AGAP1: variants seen among roughly 807,000 people sequenced by gnomAD.
AGAP1 encodes the protein arf-GAP with GTPase, ANK repeat and PH domain-containing protein 1.
Under a neutral mutation model 105.3 loss-of-function variants are expected in AGAP1, and 29 were observed. The ratio of observed to expected loss-of-function variants is 0.28; its 90% CI spans 0.21 to 0.38. The LOEUF (loss-of-function observed/expected upper bound fraction) is 0.38, where lower values mean the gene tolerates loss of function less well. AGAP1 is among the 10% of genes least tolerant of loss of function. The pLI, the probability that AGAP1 is intolerant of heterozygous loss-of-function variation, is 1.00. For missense variants in AGAP1, 998 were observed against 1,165.1 expected (o/e 0.86, Z 2.09); for synonymous variants, 509 against 485.9 (o/e 1.05, Z -0.63).
intron 1 of AGAP1, among the ~76,000 whole-genome samples, chr2:235,534,324 A>G (rs1194902999): frequency 1.3e-5 from 2 of 152,144 alleles, no homozygotes; most frequent in Admixed American, 6.5e-5. Context: ...TCCATGTTTA[A>G]TAAGAGGTCG....
rs1029918388 is a variant in AGAP1, at chr2:235,750,262, T to A, written c.539-92T>A. ...ATAAACTAATTACATTTCTGCTGAG[T>A]AAGGTACTGGTTTTCCGTGTTGTGG... On this transcript the variant is annotated intron_variant, in intron 5 of 17. Coordinates refer to ENST00000304032, the MANE Select transcript of AGAP1 (RefSeq NM_001037131.3). This position sits in a 1 kb window ranked among gnomAD's most constrained non-coding sequence, Gnocchi z 5.3. 19 of 1,546,660 alleles carry A rather than the reference T, an allele frequency of 1.2e-5. No homozygotes were observed. Among genetic ancestry groups the A allele is most frequent in the Non-Finnish European group, 1.5e-5 (17 of 1,125,732 alleles).
chr2:235,980,604 G>A (rs7570697), intron 13 of AGAP1, among the ~76,000 whole-genome samples: 72 of 152,306 alleles, frequency 4.7e-4, no homozygotes, highest in African/African-American at 1.6e-3. Context: ...GGATTGATCC[G>A]GGGGAGGCTC....
intron 1 of AGAP1, among the ~76,000 whole-genome samples, chr2:235,677,384 G>A (rs926054159): frequency 3.9e-5 from 6 of 152,072 alleles, no homozygotes; most frequent in African/African-American, 9.7e-5. Context: ...GGATTGTTTC[G>A]GCGACTCCTT....
At chr2:235,650,024 T>C (rs1947527888) in intron 1 of AGAP1, among the ~76,000 whole-genome samples, 1 of 152,184 alleles carries the variant, frequency 6.6e-6, no homozygotes, top group Admixed American at 6.5e-5. Flanking sequence ...AAAATATCTT[T>C]ATGATTAGAT....
At position 235,961,074 on chromosome 2, in the gene AGAP1, G is replaced by T. The variant is rs970862449; in HGVS notation, c.1484-7388G>T. ...CTCATCCTGAATCTGTTTCAGGAAG[G>T]ATGTGTGCTGGTGAAGAGGATGAGC... On this transcript the variant is annotated intron_variant, in intron 12 of 17. Transcript: ENST00000304032. This position sits in a 1 kb window ranked among gnomAD's most constrained non-coding sequence, Gnocchi z 5.9. Among the ~76,000 whole-genome samples the T allele has an allele frequency of 6.6e-6, 1 of 152,096 alleles. No individual in the cohort carries two copies. Among genetic ancestry groups the T allele is most frequent in the African/African-American group, 2.4e-5 (1 of 41,418 alleles).
rs897648304 is a variant in AGAP1, at chr2:235,514,463, C to A, written c.163+19614C>A. ...CCTGCTCTCCAGCCTGGTCTCACCC[C>A]ACCTGTGGCACCTTCGCTGTGGAGG... On this transcript the variant is annotated intron_variant, in intron 1 of 17. Transcript: ENST00000304032. Among the ~76,000 whole-genome samples the A allele has an allele frequency of 3.9e-5, 6 of 152,392 alleles. No homozygotes were observed. In the East Asian group the frequency reaches 5.8e-4, roughly 15 times the overall value.
chr2:235,966,993 C>T (rs1003729874), intron 12 of AGAP1, among the ~76,000 whole-genome samples: 1 of 152,118 alleles, frequency 6.6e-6, no homozygotes, highest in African/African-American at 2.4e-5. Flanking sequence ...TTTTGATTTC[C>T]ATTATCTTTG....
chr2:235,535,699 T>C lies in AGAP1; in HGVS notation c.163+40850T>C, dbSNP rs1943191743. Among the ~76,000 whole-genome samples, 1 of 152,066 alleles carries C rather than the reference T, an allele frequency of 6.6e-6. No individual in the cohort carries two copies. The highest frequency in any genetic ancestry group is 2.1e-4 in the South Asian group (1 of 4,812). On this transcript the variant is annotated intron_variant, in intron 1 of 17. Coordinates refer to ENST00000304032, the MANE Select transcript of AGAP1 (RefSeq NM_001037131.3). This position sits in a 1 kb window ranked among gnomAD's most constrained non-coding sequence, Gnocchi z 5.1. ...TGCCATTCAAGCCACTCACTTTCAT[T>C]TTCTATAGAAAAGCCTTTCTGCCGC...
In AGAP1 at chr2:236,005,902, T is replaced by C. The variant is rs149312245; in HGVS notation, c.1646-30659T>C. On this transcript the variant is annotated intron_variant, in intron 13 of 17. Transcript: ENST00000304032. The surrounding 1 kb of genome is among the most constrained non-coding windows in gnomAD (Gnocchi z 4.1). Reference sequence around the variant, plus strand: ...TAGTGTCTGTCAAGTTATTCTGCTGTAAAGTCATTGTGCCCCTCCACAGCC... The same window carrying C: ...TAGTGTCTGTCAAGTTATTCTGCTGCAAAGTCATTGTGCCCCTCCACAGCC... Among the ~76,000 whole-genome samples the C allele has an allele frequency of 7.9e-5, 12 of 152,346 alleles. No homozygotes were observed. The East Asian group carries it at 2.3e-3, about 29-fold the overall frequency.
intron 1 of AGAP1, among the ~76,000 whole-genome samples, chr2:235,607,543 T>C (rs1409180835): frequency 6.6e-6 from 1 of 152,220 alleles, no homozygotes; most frequent in Admixed American, 6.5e-5. Flanking sequence ...GGGTGTCCAC[T>C]GTCAGAGGAT....
At chr2:235,932,490 G>A (rs1372454918) in intron 12 of AGAP1, among the ~76,000 whole-genome samples, 1 of 152,158 alleles carries the variant, frequency 6.6e-6, no homozygotes, top group Non-Finnish European at 1.5e-5. Flanking sequence ...TTCTGTGGCC[G>A]CCATCTCGTG....
At chr2:235,667,647 G>A (rs553098245) in intron 1 of AGAP1, among the ~76,000 whole-genome samples, 1 of 152,206 alleles carries the variant, frequency 6.6e-6, no homozygotes, top group African/African-American at 2.4e-5. Flanking sequence ...AGAAGTTGGG[G>A]GTTCTTGGTT....
chr2:235,815,535 A>G (rs187197075), intron 9 of AGAP1, among the ~76,000 whole-genome samples: 18 of 152,296 alleles, frequency 1.2e-4, no homozygotes, highest in Admixed American at 7.2e-4. Context: ...ACAGCTGGGT[A>G]GTAGCAGAGC....
At chr2:235,813,387 A>G (rs1338306471) in intron 9 of AGAP1, among the ~76,000 whole-genome samples, 1 of 152,248 alleles carries the variant, frequency 6.6e-6, no homozygotes, top group Non-Finnish European at 1.5e-5. Flanking sequence ...TACACGACCA[A>G]CTGCCATGCT....
chr2:235,808,763 G>A (rs1005985769), intron 9 of AGAP1, among the ~76,000 whole-genome samples: 3 of 152,100 alleles, frequency 2.0e-5, no homozygotes, highest in African/African-American at 2.4e-5. Flanking sequence ...GGATTGGCCC[G>A]GGGCACCTTT....
At chr2:235,594,324 T>TA (rs1269467569) in intron 1 of AGAP1, among the ~76,000 whole-genome samples, 5 of 152,026 alleles carry the variant, frequency 3.3e-5, no homozygotes, top group African/African-American at 1.2e-4. Flanking sequence ...TTAGTTTTAT[T>TA]ACTGAACCTG....
In AGAP1 at chr2:235,494,312, A is replaced by C. The variant is rs1941209618; in HGVS notation, c.-375A>C. ...GAGCGCGGCGGCTGCCTGGGCTTTA[A>C]TGGCTGCTCCGCGGAGCAGCGCCTA... On this transcript the variant is annotated 5_prime_UTR_variant, in exon 1 of 18. It removes an upstream start codon present in the reference 5' UTR. Coordinates refer to ENST00000304032, the MANE Select transcript of AGAP1 (RefSeq NM_001037131.3). 1 of 142,412 alleles carries C rather than the reference A, an allele frequency of 7.0e-6. No individual in the cohort carries two copies. The highest frequency in any genetic ancestry group is 1.6e-5 in the Non-Finnish European group (1 of 64,450). 8.8% of individuals were successfully genotyped at this position (142,412 alleles called of 1,614,324 possible).
At chr2:235,629,391 G>A (rs1946751411) in intron 1 of AGAP1, among the ~76,000 whole-genome samples, 1 of 151,284 alleles carries the variant, frequency 6.6e-6, no homozygotes, top group Non-Finnish European at 1.5e-5. Flanking sequence ...GATGCAACAG[G>A]ATCAGACTTG....
chr2:235,633,615 AATT>A lies in AGAP1; in HGVS notation c.164-75563_164-75561del, dbSNP rs145294415. Among the ~76,000 whole-genome samples the A allele has an allele frequency of 0.02, 2,976 of 152,164 alleles. 110 individuals carry two copies. Among genetic ancestry groups the A allele is most frequent in the African/African-American group, 0.067 (2,791 of 41,492 alleles). ...TCTTAAAAATAAAAGAGCTTGAGTG[AATT>A]GTCATAGATGGAGTGGGGAGACCTA... On this transcript the variant is annotated intron_variant, in intron 1 of 17. Coordinates refer to ENST00000304032, the MANE Select transcript of AGAP1 (RefSeq NM_001037131.3). This position sits in a 1 kb window ranked among gnomAD's most constrained non-coding sequence, Gnocchi z 4.8.
Sources: gnomAD v4.1 joint callset for allele counts (sites outside exome capture counted in the v4.1 genomes callset) on GRCh38, gnomAD v4.1.1 for gene constraint, Gnocchi (gnomAD v3.1) non-coding constraint, MANE v1.5 for transcripts, NCBI Gene and HGNC (gene_info 2026-07-23, HGNC 2026-07-21) for gene names.